Variants in NKD2 observed in about 807,000 individuals in gnomAD.
NKD2 encodes protein naked cuticle homolog 2.
A neutral mutation model predicts 34.8 loss-of-function variants in NKD2; 43 were observed. The observed-to-expected ratio is 1.24, with a 90% confidence interval of 0.97 to 1.60. The LOEUF is 1.60. Among genes scored for constraint, NKD2 ranks in the 40% most tolerant of loss-of-function variants. The probability of loss-of-function intolerance (pLI) is 0.00; values close to 1 mark genes in which losing one functional copy is unlikely to be tolerated. For missense variants in NKD2, 675 were observed against 627.1 expected (o/e 1.08, Z -0.82); for synonymous variants, 278 against 265.1 (o/e 1.05, Z -0.47).
rs28715341 is a variant in NKD2 at position 1,032,134 on chromosome 5, G to A, written c.142-18G>A. 1 of 1,609,566 alleles carries A rather than the reference G, an allele frequency of 6.2e-7. No homozygotes were observed. Among genetic ancestry groups the A allele is most frequent in the South Asian group, 1.1e-5 (1 of 90,954 alleles). ...CCACTGAGCTATGTGGCCACTGACT[G>A]CCCCGTTCTTCCTGCAGGAGCTGCC... On this transcript the variant is annotated intron_variant, in intron 3 of 9. Coordinates refer to ENST00000296849, the MANE Select transcript of NKD2 (RefSeq NM_033120.4).
At chr5:1,016,133 G>A (rs1308344430) in intron 3 of NKD2, among the ~76,000 whole-genome samples, 1 of 152,258 alleles carries the variant, frequency 6.6e-6, no homozygotes, top group Non-Finnish European at 1.5e-5. Flanking sequence ...AGCGTGGGGC[G>A]GAGCTCGTGG....
intron 3 of NKD2, among the ~76,000 whole-genome samples, chr5:1,014,387 G>A (rs1755866394): frequency 6.6e-6 from 1 of 152,344 alleles, no homozygotes; most frequent in South Asian, 2.1e-4. Flanking sequence ...CCTGGGAGCC[G>A]CGGGAACTGT....
chr5:1,026,015 C>T (rs1756379800), intron 3 of NKD2, among the ~76,000 whole-genome samples: 2 of 100,564 alleles, frequency 2.0e-5, no homozygotes, highest in African/African-American at 4.0e-5. Context: ...CCCATTGTCC[C>T]TGCTCTTCCC....
intron 3 of NKD2, among the ~76,000 whole-genome samples, chr5:1,014,427 G>C (rs962077661): frequency 6.6e-6 from 1 of 152,212 alleles, no homozygotes; most frequent in African/African-American, 2.4e-5. Flanking sequence ...AGTTGTGCCA[G>C]AAAGGGCAGG....
intron 3 of NKD2, among the ~76,000 whole-genome samples, chr5:1,029,834 A>G (rs73026739): frequency 0.051 from 7,762 of 152,250 alleles, 450 homozygotes; most frequent in East Asian, 0.14. Flanking sequence ...TGTGGCCTCC[A>G]TGAGTGACCT....
chr5:1,008,840 CGCGCCCT>C lies in NKD2; in HGVS notation c.-211_-205del, dbSNP rs1254489296. On this transcript the variant is annotated 5_prime_UTR_variant, in exon 1 of 10. Coordinates refer to ENST00000296849, the MANE Select transcript of NKD2 (RefSeq NM_033120.4). ...CCGCCGTCGCTGCCGCCGCTGTCCC[CGCGCCCT>C]GCGCCCGGTGGCCCCCCACCTCCGC... 4.5e-5 allele frequency: 14 copies of C among 312,030 alleles called. No individual in the cohort carries two copies. Among genetic ancestry groups the C allele is most frequent in the South Asian group, 1.5e-4 (1 of 6,464 alleles). The allele number at this position is 312,030 out of a possible 1,614,324, so 19.3% of individuals were successfully genotyped here. A position where few individuals can be genotyped will look rare whatever the true frequency, so the allele number is the denominator to read the frequency against.
In NKD2 at chr5:1,027,856, C is replaced by T. The variant is rs952776251; in HGVS notation, c.142-4296C>T. ...AGAGGACATCGCCCGCTCCAGGTGG[C>T]TCCCAGAGGTGCCTGCACCGGCACT... is the stretch of plus-strand genomic sequence containing the variant. On this transcript the variant is annotated intron_variant, in intron 3 of 9. Coordinates refer to ENST00000296849, the MANE Select transcript of NKD2 (RefSeq NM_033120.4). Among the ~76,000 whole-genome samples the T allele has an allele frequency of 8.7e-4, 133 of 152,352 alleles. 1 individual carries two copies. Among genetic ancestry groups the T allele is most frequent in the African/African-American group, 2.9e-3 (119 of 41,576 alleles).
chr5:1,018,804 C>T (rs905140408), intron 3 of NKD2, among the ~76,000 whole-genome samples: 5 of 152,154 alleles, frequency 3.3e-5, no homozygotes, highest in Non-Finnish European at 7.4e-5. Flanking sequence ...CCTAGCTGTG[C>T]CCAGGGGAAG....
In NKD2 at chr5:1,038,747, AG is replaced by A; in HGVS notation, c.*378del. ...GGTGGGTGTTCCTCCCGGGGCTTCA[AG>A]GGGTGACTGCTGTAGGCTGTCCCAG... is the stretch of plus-strand genomic sequence containing the variant. On this transcript the variant is annotated 3_prime_UTR_variant, in exon 10 of 10. Coordinates refer to ENST00000296849, the MANE Select transcript of NKD2 (RefSeq NM_033120.4). The surrounding 1 kb of genome is among the most constrained non-coding windows in gnomAD (Gnocchi z 4.5). 2 of 500,056 alleles carry A rather than the reference AG, an allele frequency of 4.0e-6. No homozygotes were observed. Among genetic ancestry groups the A allele is most frequent in the South Asian group, 4.1e-5 (2 of 48,232 alleles). 31.0% of individuals were successfully genotyped at this position (500,056 alleles called of 1,614,324 possible).
chr5:1,009,221 G>C lies in NKD2; in HGVS notation c.61+7G>C. On this transcript the variant is annotated splice_region_variant and intron_variant, in intron 2 of 9. Transcript: ENST00000296849. The surrounding 1 kb of genome is among the most constrained non-coding windows in gnomAD (Gnocchi z 6.9). ...CGGAGAGAGAGCCCGGAAGGTGAGC[G>C]GGCGAGCCGACGGGCGGGGCGGGGG... 6 of 512,286 alleles carry C rather than the reference G, an allele frequency of 1.2e-5. No homozygotes were observed. The Admixed American group carries it at 1.2e-4, about 10-fold the overall frequency. The allele number at this position is 512,286 out of a possible 1,614,324, so 31.7% of individuals were successfully genotyped here. A position where few individuals can be genotyped will look rare whatever the true frequency, so the allele number is the denominator to read the frequency against.
chr5:1,029,489 A>G (rs1439906450), intron 3 of NKD2, among the ~76,000 whole-genome samples: 1 of 152,154 alleles, frequency 6.6e-6, no homozygotes, highest in Non-Finnish European at 1.5e-5. Flanking sequence ...TCTGTCTTGA[A>G]CAGCTGCGCC....
intron 9 of NKD2, 180 bp from the exon 10 acceptor site, chr5:1,037,625 C>G (rs1055841908): frequency 7.8e-6 from 12 of 1,535,956 alleles, no homozygotes; most frequent in Non-Finnish European, 1.0e-5. Flanking sequence ...GCAGGTCACC[C>G]ACAGTGGCCA....
chr5:1,036,275 C>T lies in NKD2; in HGVS notation c.678C>T (p.Pro226=). ...SAHVRRPSTD[P]QPCSERGPYC... is the part of the protein sequence containing the mutation. ...CAAGCAGGAGGCCCAGTACTGACCC[C>T]CAGCCCTGCTCGGAGCGGGGGCCCT... The change falls in exon 9 of 10, where the codon CCC becomes CCT. Residue 226 remains proline (P), a synonymous_variant. Coordinates refer to ENST00000296849, the MANE Select transcript of NKD2 (RefSeq NM_033120.4). 1 of 1,609,626 alleles carries T rather than the reference C, an allele frequency of 6.2e-7. No individual in the cohort carries two copies. The highest frequency in any genetic ancestry group is 8.5e-7 in the Non-Finnish European group (1 of 1,178,112).
rs750125565 is a variant in NKD2 at position 1,009,118 on chromosome 5, GGCGGGCGT to G, written c.25+38_25+45del. 2.6e-5 allele frequency: 12 copies of G among 468,372 alleles called. No homozygotes were observed. The South Asian group carries it at 4.2e-4, about 16-fold the overall frequency. The allele number at this position is 468,372 out of a possible 1,614,324, so 29.0% of individuals were successfully genotyped here. A position where few individuals can be genotyped will look rare whatever the true frequency, so the allele number is the denominator to read the frequency against. ...GGCCGGTAGGGCGGGAGGGCGGGCG[GGCGGGCGT>G]GGGGCCGCCTCTCACTGTCGTTTTC... On this transcript the variant is annotated intron_variant, in intron 1 of 9. Transcript: ENST00000296849. The surrounding 1 kb of genome is among the most constrained non-coding windows in gnomAD (Gnocchi z 6.9).
chr5:1,035,558 C>T (rs1482232315), intron 8 of NKD2, 85 bp downstream of exon 8: 2 of 1,047,632 alleles, frequency 1.9e-6, no homozygotes, highest in East Asian at 2.6e-5. Flanking sequence ...CCACAGGCCA[C>T]AGGCCACACA....
intron 3 of NKD2, among the ~76,000 whole-genome samples, chr5:1,027,724 G>C (rs1168709927): frequency 6.6e-6 from 1 of 152,244 alleles, no homozygotes; most frequent in Admixed American, 6.5e-5. Context: ...CGTTCCACCA[G>C]AGCTGTGGCC....
rs1214473676 is a variant in NKD2, at chr5:1,035,437, C to T, written c.623C>T (p.Pro208Leu). The part of the protein sequence containing the change: ...CRMEGELAEE[P>L]RVADRRLSAH... Reference sequence around the variant, plus strand: ...ATGGAGGGTGAACTGGCAGAGGAGCCAAGGGTGGCTGACAGGAGGTTGTCT... The same window carrying T: ...ATGGAGGGTGAACTGGCAGAGGAGCTAAGGGTGGCTGACAGGAGGTTGTCT... Residue 208 changes from proline to leucine, a missense_variant, in exon 8 of 10, where the codon CCA becomes CTA. Physicochemically the swap from Pro to Leu is moderately conservative, Grantham distance 98. Coordinates refer to ENST00000296849, the MANE Select transcript of NKD2 (RefSeq NM_033120.4). 3.8e-6 allele frequency: 6 copies of T among 1,558,748 alleles called. No individual in the cohort carries two copies. The Admixed American group carries it at 1.2e-4, about 30-fold the overall frequency.
chr5:1,038,286 C>G lies in NKD2; in HGVS notation c.1269C>G (p.Tyr423Ter). 1 of 1,560,778 alleles carries G rather than the reference C, an allele frequency of 6.4e-7. No individual in the cohort carries two copies. The highest frequency in any genetic ancestry group is 1.9e-5 in the Admixed American group (1 of 53,816). ...DLPPTPAGEGYAVPVIQRHEH... is the reference protein window; with the variant it reads ...DLPPTPAGEG ...CGCCCACGCCAGCAGGAGAGGGCTA[C>G]GCGGTGCCAGTGATCCAGCGGCACG... Residue 423 changes from tyrosine to a stop codon, truncating the protein, a stop_gained, in exon 10 of 10, where the codon TAC becomes TAG. Coordinates refer to ENST00000296849, the MANE Select transcript of NKD2 (RefSeq NM_033120.4). LOFTEE classifies it high-confidence loss of function. The surrounding 1 kb of genome is among the most constrained non-coding windows in gnomAD (Gnocchi z 4.5).
rs559503146 is a variant in NKD2, at chr5:1,027,151, C to G, written c.142-5001C>G. Among the ~76,000 whole-genome samples, 1,213 of 152,334 alleles carry G rather than the reference C, an allele frequency of 8.0e-3. 10 individuals carry two copies. The highest frequency in any genetic ancestry group is 0.024 in the Middle Eastern group (7 of 294). ...TTGACCTGCCAAGGACAGGGAGGTG[C>G]ACCAAGGCCATTTCCCCAGTGGCAG... is the stretch of plus-strand genomic sequence containing the variant. On this transcript the variant is annotated intron_variant, in intron 3 of 9. Transcript: ENST00000296849.
Sources: allele counts gnomAD v4.1 joint callset (sites outside exome capture counted in the v4.1 genomes callset), GRCh38; gene constraint gnomAD v4.1.1; non-coding constraint Gnocchi (gnomAD v3.1); transcripts MANE v1.5; gene names NCBI Gene and HGNC (gene_info 2026-07-23, HGNC 2026-07-21).